Variants in DGKB observed in about 807,000 individuals in gnomAD.
DGKB encodes diacylglycerol kinase beta.
In DGKB, 67 loss-of-function variants were observed where a neutral mutation model predicts 114.3. The observed-to-expected ratio is 0.59, with a 90% CI of 0.48 to 0.72. The LOEUF (loss-of-function observed/expected upper bound fraction) is 0.72, where lower values mean the gene tolerates loss of function less well. Among genes scored for constraint, DGKB ranks in the 30% least tolerant of loss-of-function variants. The probability of loss-of-function intolerance (pLI) is 0.00; values close to 1 mark genes in which losing one functional copy is unlikely to be tolerated. For missense variants in DGKB, 907 were observed against 975.2 expected, an observed-to-expected ratio of 0.93 and a Z score of 0.93; for synonymous variants, 398 against 323.1, an observed-to-expected ratio of 1.23 and a Z score of -2.49.
intron 13 of DGKB, among the ~76,000 whole-genome samples, chr7:14,651,858 GACAA>G (rs1185190802): frequency 7.7e-6 from 1 of 130,418 alleles, no homozygotes; most frequent in Non-Finnish European, 1.6e-5. Flanking sequence ...ACCAATAACA[GACAA>G]ACAGAGAGCC....
chr7:14,855,946 A>G (rs1336104868), intron 1 of DGKB, among the ~76,000 whole-genome samples: 1 of 151,644 alleles, frequency 6.6e-6, no homozygotes, highest in East Asian at 1.9e-4. Flanking sequence ...TTCTAGTAAT[A>G]CTAGTAGTAT....
intron 13 of DGKB, among the ~76,000 whole-genome samples, chr7:14,650,927 C>A (rs866190549): frequency 6.6e-6 from 1 of 152,090 alleles, no homozygotes. Context: ...GACACATACA[C>A]TCTCCCAAGA....
At chr7:14,663,194 A>G (rs898553432) in intron 13 of DGKB, among the ~76,000 whole-genome samples, 1 of 152,012 alleles carries the variant, frequency 6.6e-6, no homozygotes, top group Non-Finnish European at 1.5e-5. Context: ...TGGATGAACA[A>G]TTTGGCTGAA....
At position 14,373,377 on chromosome 7, in the gene DGKB, T is replaced by C. The variant is rs543941557; in HGVS notation, c.1836-27986A>G. ...GAACCACATTTTTGTTTGTTTCTAT[T>C]TGTGAAACAGTAACTGTTGTATTGC... is the stretch of plus-strand genomic sequence containing the variant. On this transcript the variant is annotated intron_variant, in intron 21 of 25. Coordinates refer to ENST00000402815, the MANE Select transcript of DGKB (RefSeq NM_001350709.2). Among the ~76,000 whole-genome samples, 23 of 152,324 alleles carry C rather than the reference T, an allele frequency of 1.5e-4. No homozygotes were observed. The South Asian group carries it at 4.6e-3, about 30-fold the overall frequency.
chr7:14,650,942 A>T (rs962419668), intron 13 of DGKB, among the ~76,000 whole-genome samples: 2 of 152,156 alleles, frequency 1.3e-5, no homozygotes, highest in Non-Finnish European at 2.9e-5. Context: ...CCAAGACTAA[A>T]CCAGGAAGAA....
intron 21 of DGKB, among the ~76,000 whole-genome samples, chr7:14,414,843 T>C (rs1015589292): frequency 3.9e-5 from 6 of 152,094 alleles, no homozygotes; most frequent in African/African-American, 1.4e-4. Flanking sequence ...TCTGACAAGC[T>C]GAGTCATTTG....
rs921695609 is a variant in DGKB, at chr7:14,800,193, G to A, written c.70+41001C>T. The stretch of plus-strand genomic sequence containing the variant: ...GGCCTCCCGAAGTGCTGGAATTACA[G>A]GCGTGAGCCACCGCGCTCGGTCTAG... On this transcript the variant is annotated intron_variant, in intron 2 of 25. Coordinates refer to ENST00000402815, the MANE Select transcript of DGKB (RefSeq NM_001350709.2). 2.6e-5 allele frequency among the ~76,000 whole-genome samples: 4 copies of A among 152,176 alleles called. No individual in the cohort carries two copies. The South Asian group carries it at 6.2e-4, about 24-fold the overall frequency.
chr7:14,639,032 C>T (rs1251465935), intron 13 of DGKB, among the ~76,000 whole-genome samples: 1 of 151,426 alleles, frequency 6.6e-6, no homozygotes, highest in South Asian at 2.1e-4. Context: ...GAGTGAAACT[C>T]CATCTCAAAA....
At chr7:14,906,573 C>T (rs1444871109), upstream of DGKB, among the ~76,000 whole-genome samples, 6 of 151,180 alleles carry the variant, frequency 4.0e-5, no homozygotes, top group Non-Finnish European at 8.8e-5. Context: ...CCTGCCTCAG[C>T]CTCCCAAATA....
At chr7:14,319,113 A>T (rs904655617) in intron 23 of DGKB, among the ~76,000 whole-genome samples, 33 of 142,980 alleles carry the variant, frequency 2.3e-4, no homozygotes, top group African/African-American at 6.7e-4. Flanking sequence ...CAGGAAGGGG[A>T]ACATCACACT....
intron 21 of DGKB, among the ~76,000 whole-genome samples, chr7:14,349,856 A>G (rs184987549): frequency 1.3e-5 from 2 of 152,282 alleles, no homozygotes; most frequent in East Asian, 1.9e-4. Flanking sequence ...CAGTGAAAAC[A>G]TAGCTTTGGA....
At chr7:14,176,772 T>C (rs920161635) in intron 25 of DGKB, 67 bp downstream of exon 25, 12 of 1,561,364 alleles carry the variant, frequency 7.7e-6, no homozygotes, top group African/African-American at 2.7e-5. Context: ...TCAGTTATTG[T>C]GGTTATTTAG....
intron 21 of DGKB, among the ~76,000 whole-genome samples, chr7:14,392,989 G>GTTTTTTTTTTTTTTTTTTTTTTTTTTTT (rs776845811): frequency 8.8e-4 from 9 of 10,180 alleles, no homozygotes; most frequent in African/African-American, 1.8e-3. Context: ...CCTGTTTTTT[G>GTTTTTTTTTTTTTTTTTTTTTTTTTTTT]TTTTTGTTTT....
At chr7:14,398,791 A>T (rs1313575907) in intron 21 of DGKB, among the ~76,000 whole-genome samples, 1 of 41,192 alleles carries the variant, frequency 2.4e-5, no homozygotes, top group East Asian at 3.7e-4. Flanking sequence ...ATGGTCTATG[A>T]CTAAAAAAAA....
intron 23 of DGKB, among the ~76,000 whole-genome samples, chr7:14,221,479 G>C (rs1789962659): frequency 6.6e-6 from 1 of 151,234 alleles, no homozygotes; most frequent in Non-Finnish European, 1.5e-5. Context: ...TACATTGATT[G>C]ATTTCCAGGT....
rs1253666043 is a variant in DGKB, at chr7:14,236,554, T to A, written c.2123-58403A>T. On this transcript the variant is annotated intron_variant, in intron 23 of 25. Transcript: ENST00000402815. ...AATTTTTTACAGCTGATCGATGTAA[T>A]ATAGTTCTGTAATTTTCGTGAAATA... 2.0e-5 allele frequency among the ~76,000 whole-genome samples: 3 copies of A among 152,104 alleles called. No individual in the cohort carries two copies. The East Asian group carries it at 5.8e-4, about 29-fold the overall frequency.
Position 14,147,068 on chromosome 7 carries a change from T to C in DGKB, c.*2063A>G, listed in dbSNP as rs568671834. ...TGACACAAAGCCTGCCTGCCCATTGTAGAAAATTTTGTCAATTCATGTGAA... is the reference window on the plus strand; with the variant it reads ...TGACACAAAGCCTGCCTGCCCATTGCAGAAAATTTTGTCAATTCATGTGAA... On this transcript the variant is annotated 3_prime_UTR_variant, in exon 26 of 26. Coordinates refer to ENST00000402815, the MANE Select transcript of DGKB (RefSeq NM_001350709.2). The C allele has an allele frequency of 6.6e-6, 1 of 152,294 alleles. No individual in the cohort carries two copies. Among genetic ancestry groups the C allele is most frequent in the South Asian group, 2.1e-4 (1 of 4,832 alleles). The allele number at this position is 152,294 out of a possible 1,614,324, so 9.4% of individuals were successfully genotyped here.
chr7:14,747,181 C>A (rs1833412306), intron 4 of DGKB, among the ~76,000 whole-genome samples: 1 of 144,784 alleles, frequency 6.9e-6, no homozygotes, highest in Admixed American at 6.9e-5. Flanking sequence ...TGGGAAAACA[C>A]AAACCTCTTT....
chr7:14,634,297 G>A (rs992291076), intron 13 of DGKB, among the ~76,000 whole-genome samples: 2 of 151,484 alleles, frequency 1.3e-5, no homozygotes, highest in African/African-American at 2.4e-5. Context: ...CAAAGTTAGT[G>A]ACAGAATATT....
Sources: allele counts gnomAD v4.1 joint callset (sites outside exome capture counted in the v4.1 genomes callset), GRCh38; gene constraint gnomAD v4.1.1; transcripts MANE v1.5; gene names NCBI Gene and HGNC (gene_info 2026-07-23, HGNC 2026-07-21).